The following CHRM3 variants were observed in gnomAD, a reference collection of about 807,000 sequenced individuals.
CHRM3 encodes cholinergic receptor muscarinic 3.
In CHRM3, 11 loss-of-function variants were observed where a neutral mutation model predicts 41.8. The observed-to-expected ratio is 0.26, with a 90% CI of 0.17 to 0.44. The LOEUF is 0.44. CHRM3 is among the 20% of genes least tolerant of loss of function. The pLI is 1.00. For missense variants in CHRM3, 571 were observed against 745.4 expected (o/e 0.77, Z 2.72); for synonymous variants, 297 against 301.4 (o/e 0.99, Z 0.15).
chr1:239,860,168 C>G (rs1419363257), intron 6 of CHRM3, among the ~76,000 whole-genome samples: 2 of 152,132 alleles, frequency 1.3e-5, no homozygotes, highest in Non-Finnish European at 2.9e-5. Flanking sequence ...CAAATCAGAG[C>G]ATCTCTATTC....
At chr1:239,540,984 G>A (rs1372708155) in intron 2 of CHRM3, among the ~76,000 whole-genome samples, 4 of 152,096 alleles carry the variant, frequency 2.6e-5, no homozygotes, top group South Asian at 2.1e-4. Context: ...GATTTGTTAC[G>A]TGGAAATGCA....
intron 5 of CHRM3, among the ~76,000 whole-genome samples, chr1:239,737,753 A>T (rs2148471123): frequency 6.6e-6 from 1 of 152,286 alleles, no homozygotes; most frequent in East Asian, 1.9e-4. Flanking sequence ...GGAGTAGGTG[A>T]CCCAGAAAAC....
At chr1:239,862,944 A>G (rs1675758348) in intron 6 of CHRM3, among the ~76,000 whole-genome samples, 1 of 152,206 alleles carries the variant, frequency 6.6e-6, no homozygotes, top group Admixed American at 6.5e-5. Context: ...AGATATACAG[A>G]CAATTTTCAC....
intron 5 of CHRM3, among the ~76,000 whole-genome samples, chr1:239,688,560 A>G (rs1186599149): frequency 1.5e-5 from 2 of 136,074 alleles, no homozygotes; most frequent in Non-Finnish European, 3.1e-5. Context: ...TATATAACAT[A>G]TATTATATGA....
intron 3 of CHRM3, among the ~76,000 whole-genome samples, chr1:239,552,444 A>T (rs542658616): frequency 6.8e-6 from 1 of 147,236 alleles, no homozygotes; most frequent in Non-Finnish European, 1.5e-5. Context: ...TGTATAGATG[A>T]TATGTATCAT....
intron 5 of CHRM3, among the ~76,000 whole-genome samples, chr1:239,826,230 T>C (rs1294870178): frequency 1.3e-5 from 2 of 152,354 alleles, no homozygotes; most frequent in African/African-American, 2.4e-5. Flanking sequence ...TAAAAATCTT[T>C]TTTAAAATCA....
intron 3 of CHRM3, among the ~76,000 whole-genome samples, chr1:239,555,439 G>C (rs1335084590): frequency 6.6e-6 from 1 of 152,150 alleles, no homozygotes; most frequent in African/African-American, 2.4e-5. Flanking sequence ...TGAGGTAGAA[G>C]GTGGGACTCT....
chr1:239,554,529 CA>C (rs969744812), intron 3 of CHRM3, among the ~76,000 whole-genome samples: 2 of 151,690 alleles, frequency 1.3e-5, no homozygotes, highest in African/African-American at 4.8e-5. Flanking sequence ...TATATGTATA[CA>C]AAAAAAGTAA....
intron 3 of CHRM3, among the ~76,000 whole-genome samples, chr1:239,594,622 G>A (rs1345124644): frequency 4.6e-5 from 7 of 151,992 alleles, no homozygotes; most frequent in Non-Finnish European, 8.8e-5. Context: ...ATACATTTTG[G>A]GCCACTTCAC....
intron 1 of CHRM3, among the ~76,000 whole-genome samples, chr1:239,451,023 C>T (rs1664519436): frequency 6.6e-6 from 1 of 152,080 alleles, no homozygotes; most frequent in African/African-American, 2.4e-5. Flanking sequence ...CCATTGCACT[C>T]CAGCCTGGGC....
chr1:239,761,399 G>A (rs963478024), intron 5 of CHRM3, among the ~76,000 whole-genome samples: 1 of 152,058 alleles, frequency 6.6e-6, no homozygotes, highest in Admixed American at 6.5e-5. Context: ...TTCTCTTTAT[G>A]TGTTGCATGT....
chr1:239,632,442 T>G (rs1005530872), intron 4 of CHRM3, among the ~76,000 whole-genome samples, 156 bp downstream of exon 4: 4 of 152,250 alleles, frequency 2.6e-5, no homozygotes, highest in African/African-American at 9.6e-5. Context: ...TTTTGTGTCT[T>G]AATAAAGCTA....
intron 5 of CHRM3, among the ~76,000 whole-genome samples, chr1:239,825,562 G>C (rs1272040285): frequency 2.0e-5 from 3 of 152,044 alleles, no homozygotes; most frequent in Non-Finnish European, 4.4e-5. Flanking sequence ...GATATGAACA[G>C]GTATTTGTAT....
At chr1:239,880,538 C>T (rs1282688707) in intron 6 of CHRM3, among the ~76,000 whole-genome samples, 1 of 152,178 alleles carries the variant, frequency 6.6e-6, no homozygotes, top group Non-Finnish European at 1.5e-5. Flanking sequence ...CTATGTTGCC[C>T]AGGCTGGCAT....
intron 5 of CHRM3, among the ~76,000 whole-genome samples, chr1:239,723,740 T>A (rs1558487848): frequency 6.6e-6 from 1 of 151,854 alleles, no homozygotes; most frequent in African/African-American, 2.4e-5. Context: ...GAGTAGGAGT[T>A]GCTGTGGGTC....
chr1:239,533,218 C>T (rs979125009), intron 2 of CHRM3, among the ~76,000 whole-genome samples: 1 of 152,130 alleles, frequency 6.6e-6, no homozygotes, highest in African/African-American at 2.4e-5. Context: ...ACTATGCCAG[C>T]AATGAAGCTA....
chr1:239,907,611 G>A lies in CHRM3; in HGVS notation c.160G>A (p.Gly54Ser), dbSNP rs200690991. ...AGCTGGCAATTTCTCCTCTCCAGAC[G>A]GTACCACCGATGACCCTCTGGGAGG... is the stretch of plus-strand genomic sequence containing the variant. ...RAAGNFSSPDGTTDDPLGGHT... is the reference protein window; with the variant it reads ...RAAGNFSSPDSTTDDPLGGHT... Residue 54 changes from glycine (G) to serine (S), a missense_variant, in exon 7 of 7, where the codon GGT becomes AGT. By Grantham distance (56) the Gly-to-Ser change is moderately conservative. Transcript: ENST00000676153. The surrounding 1 kb of genome is among the most constrained non-coding windows in gnomAD (Gnocchi z 5.4). The A allele has an allele frequency of 1.1e-5, 18 of 1,614,002 alleles. No homozygotes were observed. The highest frequency in any genetic ancestry group is 2.2e-5 in the East Asian group (1 of 44,882).
At chr1:239,809,741 C>T (rs1004464457) in intron 5 of CHRM3, among the ~76,000 whole-genome samples, 1 of 152,076 alleles carries the variant, frequency 6.6e-6, no homozygotes, top group Admixed American at 6.5e-5. Context: ...TCAAGCTATC[C>T]TCTTGCCTCG....
chr1:239,572,949 C>T (rs1661967921), intron 3 of CHRM3, among the ~76,000 whole-genome samples: 1 of 152,128 alleles, frequency 6.6e-6, no homozygotes, highest in Non-Finnish European at 1.5e-5. Context: ...TTCCAATATT[C>T]TGTTTCTTCT....
Sources: gnomAD v4.1 joint callset for allele counts (sites outside exome capture counted in the v4.1 genomes callset) on GRCh38, gnomAD v4.1.1 for gene constraint, Gnocchi (gnomAD v3.1) non-coding constraint, MANE v1.5 for transcripts, NCBI Gene and HGNC (gene_info 2026-07-23, HGNC 2026-07-21) for gene names.